PATJ: variants seen among roughly 807,000 people sequenced by gnomAD.
PATJ encodes inaD-like protein.
A neutral mutation model predicts 224.9 loss-of-function variants in PATJ; 190 were observed. That is an observed-to-expected ratio of 0.84 (90% CI 0.75 to 0.95). The LOEUF (loss-of-function observed/expected upper bound fraction) is 0.95, where lower values mean the gene tolerates loss of function less well. PATJ is among the 40% of genes least tolerant of loss of function. The pLI is 0.00. For synonymous variants in PATJ, 769 were observed against 820.3 expected (o/e 0.94, Z 1.07); for missense variants, 2,121 against 2,270.3 (o/e 0.93, Z 1.34).
intron 28 of PATJ, among the ~76,000 whole-genome samples, chr1:62,006,653 C>G (rs965320870): frequency 1.3e-5 from 2 of 152,138 alleles, no homozygotes; most frequent in Non-Finnish European, 2.9e-5. Context: ...CTAAGTATCC[C>G]ATCTCTGGTA....
rs113889149 is a variant in PATJ, at chr1:62,007,480, G to A, written c.3868-10376G>A. Among the ~76,000 whole-genome samples, 155 of 152,214 alleles carry A rather than the reference G, an allele frequency of 1.0e-3. 2 individuals carry two copies. Among genetic ancestry groups the A allele is most frequent in the African/African-American group, 3.5e-3 (145 of 41,510 alleles). Reference sequence around the variant, plus strand: ...TTTTTGGATGCCAAGGCAAATTACTGAACATCTGAAAGAGCACAAGACTAG... The same window carrying A: ...TTTTTGGATGCCAAGGCAAATTACTAAACATCTGAAAGAGCACAAGACTAG... On this transcript the variant is annotated intron_variant, in intron 28 of 43. Coordinates refer to ENST00000642238, the MANE Select transcript of PATJ (RefSeq NM_001350145.3).
chr1:62,160,395 A>C (rs1437024680), intron 43 of PATJ, among the ~76,000 whole-genome samples: 1 of 152,216 alleles, frequency 6.6e-6, no homozygotes, highest in Non-Finnish European at 1.5e-5. Flanking sequence ...TATGTAGATA[A>C]CAGCTTTATT....
At chr1:62,057,844 C>T (rs563594241) in intron 31 of PATJ, among the ~76,000 whole-genome samples, 1 of 152,286 alleles carries the variant, frequency 6.6e-6, no homozygotes, top group African/African-American at 2.4e-5. Context: ...TGGCCAGGAG[C>T]CCAAGAGAAC....
At chr1:62,048,545 C>CAAAAAAAA (rs773157635) in intron 30 of PATJ, among the ~76,000 whole-genome samples, 45 of 66,170 alleles carry the variant, frequency 6.8e-4, no homozygotes, top group Non-Finnish European at 1.1e-3. Context: ...GACTCTGTCT[C>CAAAAAAAA]AAAAAAAAAA....
chr1:62,022,440 G>A (rs905881900), intron 29 of PATJ, among the ~76,000 whole-genome samples: 6 of 152,242 alleles, frequency 3.9e-5, no homozygotes, highest in African/African-American at 1.4e-4. Flanking sequence ...ATCCAGATGT[G>A]TATTACAATC....
At chr1:61,805,322 CT>C in intron 12 of PATJ, 125 bp from the exon 13 acceptor site, 2 of 623,006 alleles carry the variant, frequency 3.2e-6, no homozygotes, top group Non-Finnish European at 2.8e-6. Context: ...ATGCATTTTC[CT>C]TTTTATTCAT....
At chr1:61,851,687 T>C (rs1269068057) in intron 17 of PATJ, among the ~76,000 whole-genome samples, 1 of 152,084 alleles carries the variant, frequency 6.6e-6, no homozygotes, top group Non-Finnish European at 1.5e-5. Flanking sequence ...TTCTATTATC[T>C]CTCTAGAAAA....
chr1:61,993,548 A>G (rs1645185829), intron 28 of PATJ, among the ~76,000 whole-genome samples: 1 of 152,134 alleles, frequency 6.6e-6, no homozygotes, highest in East Asian at 1.9e-4. Context: ...TCAAGAACCC[A>G]CCAAGAGTTG....
intron 33 of PATJ, among the ~76,000 whole-genome samples, chr1:62,097,518 A>G (rs1242272089): frequency 2.0e-5 from 3 of 152,124 alleles, no homozygotes; most frequent in Admixed American, 2.0e-4. Context: ...ATGAAACAGC[A>G]TGTGGAGAGA....
In PATJ at chr1:61,756,563, C is replaced by CTTTTTTTTTTT. The variant is rs370667808; in HGVS notation, c.-35-6280_-35-6270dup. 2.6e-4 allele frequency among the ~76,000 whole-genome samples: 17 copies of CTTTTTTTTTTT among 65,620 alleles called. 1 individual carries two copies. The highest frequency in any genetic ancestry group is 1.4e-3 in the East Asian group (3 of 2,120). 43.0% of individuals were successfully genotyped at this position (65,620 alleles called of 152,430 possible). ...CTTATATATTGCTAAAACCAGGACA[C>CTTTTTTTTTTT]TTTTTTTTTTTTTTTTTTTTTTTTT... On this transcript the variant is annotated intron_variant, in intron 1 of 43. Coordinates refer to ENST00000642238, the MANE Select transcript of PATJ (RefSeq NM_001350145.3).
intron 41 of PATJ, among the ~76,000 whole-genome samples, chr1:62,131,007 C>T (rs2457815): frequency 0.41 from 63,032 of 151,916 alleles, 14,709 homozygotes; most frequent in Non-Finnish European, 0.53. Flanking sequence ...TACTATCACA[C>T]TAGTCTTTAA....
intron 32 of PATJ, among the ~76,000 whole-genome samples, chr1:62,083,124 G>A (rs991598687): frequency 5.3e-5 from 8 of 152,002 alleles, no homozygotes; most frequent in Admixed American, 3.3e-4. Flanking sequence ...TTGAGGTTTC[G>A]TTGTTGTTGT....
chr1:61,900,738 C>T (rs867336764), intron 23 of PATJ, among the ~76,000 whole-genome samples: 38 of 152,152 alleles, frequency 2.5e-4, no homozygotes, highest in Admixed American at 4.6e-4. Context: ...TACAGGCGCC[C>T]GCCACTACGC....
chr1:61,873,022 A>AT (rs1460641494), intron 20 of PATJ, among the ~76,000 whole-genome samples: 1 of 152,170 alleles, frequency 6.6e-6, no homozygotes, highest in Non-Finnish European at 1.5e-5. Context: ...AAAGTAGACC[A>AT]TTTTCAAAAC....
intron 14 of PATJ, among the ~76,000 whole-genome samples, chr1:61,815,413 G>A (rs1295204486): frequency 6.6e-6 from 1 of 152,118 alleles, no homozygotes; most frequent in African/African-American, 2.4e-5. Flanking sequence ...TTTTGAGCAG[G>A]GTTTTGTCTA....
chr1:62,058,254 G>A (rs896832532), intron 31 of PATJ, among the ~76,000 whole-genome samples: 1 of 152,164 alleles, frequency 6.6e-6, no homozygotes, highest in African/African-American at 2.4e-5. Flanking sequence ...AATGAGCTGT[G>A]ACATGGAAAT....
chr1:62,012,773 G>A (rs892925757), intron 28 of PATJ, among the ~76,000 whole-genome samples: 2 of 152,130 alleles, frequency 1.3e-5, no homozygotes, highest in Non-Finnish European at 2.9e-5. Flanking sequence ...AAAGCGAATG[G>A]CTGCAAATGT....
intron 26 of PATJ, among the ~76,000 whole-genome samples, chr1:61,923,940 A>G (rs906696454): frequency 3.3e-5 from 5 of 151,046 alleles, no homozygotes; most frequent in Admixed American, 3.3e-4. Flanking sequence ...AAAAAAAAAA[A>G]GTGACTAAAA....
chr1:61,840,771 T>C (rs954250757), intron 17 of PATJ, among the ~76,000 whole-genome samples: 1 of 152,106 alleles, frequency 6.6e-6, no homozygotes, highest in African/African-American at 2.4e-5. Context: ...AGGTAGGTGA[T>C]AAATTCCTAG....
Sources: gnomAD v4.1 joint callset for allele counts (sites outside exome capture counted in the v4.1 genomes callset) on GRCh38, gnomAD v4.1.1 for gene constraint, MANE v1.5 for transcripts, NCBI Gene and HGNC (gene_info 2026-07-23, HGNC 2026-07-21) for gene names.